Variants in PDE1A observed in about 807,000 individuals in gnomAD.
PDE1A encodes dual specificity calcium/calmodulin-dependent 3',5'-cyclic nucleotide phosphodiesterase 1A.
In PDE1A, 35 loss-of-function variants were observed where a neutral mutation model predicts 61.7. The observed-to-expected ratio is 0.57, with a 90% CI of 0.43 to 0.75. The LOEUF is 0.75. PDE1A is among the 30% of genes least tolerant of loss of function. The probability of loss-of-function intolerance (pLI) is 0.00; values close to 1 mark genes in which losing one functional copy is unlikely to be tolerated. For missense variants in PDE1A, 597 were observed against 630.6 expected (o/e 0.95, Z 0.57); for synonymous variants, 232 against 213.2 (o/e 1.09, Z -0.77).
rs190318323 is a variant in PDE1A, at chr2:182,198,867, G to A, written c.1125+2572C>T. ...TCCTCTATGTCATAAAAGAATTTGT[G>A]TAAAACTGGCATTATTTCTTCCTGA... On this transcript the variant is annotated intron_variant, in intron 10 of 13. Coordinates refer to ENST00000351439, the Ensembl canonical transcript of PDE1A. 2.7e-3 allele frequency among the ~76,000 whole-genome samples: 407 copies of A among 151,936 alleles called. 1 individual carries two copies. The highest frequency in any genetic ancestry group is 9.6e-3 in the African/African-American group (397 of 41,534).
the PDE1A span, among the ~76,000 whole-genome samples, chr2:182,549,072 G>A: frequency 1.3e-4 from 20 of 152,172 alleles, no homozygotes; most frequent in East Asian, 3.3e-3. Context: ...AAGTTCTCAA[G>A]TATAATTCAC....
chr2:182,697,482 C>T, the PDE1A span, among the ~76,000 whole-genome samples: 2 of 152,204 alleles, frequency 1.3e-5, no homozygotes, highest in African/African-American at 4.8e-5. Flanking sequence ...CTGTCCCAGT[C>T]CTTCCCCAGG....
the PDE1A span, among the ~76,000 whole-genome samples, chr2:182,596,168 T>C: frequency 6.6e-6 from 1 of 152,200 alleles, no homozygotes; most frequent in Non-Finnish European, 1.5e-5. Context: ...CAAAGTCTAA[T>C]CAAGTAAGGT....
At chr2:182,167,091 G>T (rs145109973), downstream of PDE1A, among the ~76,000 whole-genome samples, 13 of 152,232 alleles carry the variant, frequency 8.5e-5, 1 homozygote, top group East Asian at 2.5e-3. Context: ...TATTAACTAA[G>T]ATGAACCCTA....
the PDE1A span, among the ~76,000 whole-genome samples, chr2:182,644,263 CTGTGTGTGTG>C: frequency 1.5e-4 from 18 of 123,132 alleles, no homozygotes; most frequent in African/African-American, 3.7e-4. Flanking sequence ...TCTTAAGACT[CTGTGTGTGTG>C]TGTGTGTGTG....
chr2:182,421,239 T>C (rs534193889), intron 1 of PDE1A, among the ~76,000 whole-genome samples: 16 of 152,262 alleles, frequency 1.1e-4, no homozygotes, highest in African/African-American at 3.9e-4. Flanking sequence ...TCATTCCAAA[T>C]CTTTGAAAAG....
chr2:182,282,618 G>A (rs1011395931), intron 1 of PDE1A, among the ~76,000 whole-genome samples: 5 of 151,826 alleles, frequency 3.3e-5, no homozygotes, highest in African/African-American at 1.2e-4. Context: ...TCCTAATATT[G>A]GAGATTTGTG....
chr2:182,289,121 C>G (rs953152594), intron 1 of PDE1A, among the ~76,000 whole-genome samples: 3 of 151,956 alleles, frequency 2.0e-5, no homozygotes, highest in African/African-American at 7.2e-5. Context: ...GTTAGAATCC[C>G]CACCCACTCC....
At chr2:182,279,853 A>T (rs150182182) in intron 1 of PDE1A, among the ~76,000 whole-genome samples, 1 of 151,494 alleles carries the variant, frequency 6.6e-6, no homozygotes, top group Non-Finnish European at 1.5e-5. Context: ...AAATACTTTG[A>T]TTGTTTTTTT....
intron 2 of PDE1A, among the ~76,000 whole-genome samples, chr2:182,460,953 T>A (rs538623608): frequency 6.6e-6 from 1 of 152,194 alleles, no homozygotes; most frequent in South Asian, 2.1e-4. Context: ...AAACAAAAGG[T>A]GGAGGGCTAA....
At chr2:182,477,245 A>G (rs1488731648) in intron 2 of PDE1A, among the ~76,000 whole-genome samples, 3 of 151,966 alleles carry the variant, frequency 2.0e-5, no homozygotes, top group Non-Finnish European at 4.4e-5. Context: ...TATCTGACTC[A>G]TGTTGAGGGT....
the PDE1A span, among the ~76,000 whole-genome samples, chr2:182,557,603 T>C: frequency 1.3e-5 from 2 of 151,928 alleles, no homozygotes; most frequent in African/African-American, 4.8e-5. Context: ...TCCCAGCTAC[T>C]TGGGAGGCTG....
chr2:182,318,402 C>T (rs1450587291), intron 1 of PDE1A, among the ~76,000 whole-genome samples: 2 of 152,164 alleles, frequency 1.3e-5, no homozygotes, highest in Admixed American at 1.3e-4. Flanking sequence ...CAGTCCTAAT[C>T]TTCATATCGA....
chr2:182,435,200 AC>A (rs1420614822), intron 2 of PDE1A, among the ~76,000 whole-genome samples: 2 of 152,098 alleles, frequency 1.3e-5, no homozygotes, highest in Non-Finnish European at 2.9e-5. Context: ...TCATAGCCAA[AC>A]ATCCGTTGCT....
chr2:182,149,077 T>C (rs550443780), intron 13 of PDE1A, among the ~76,000 whole-genome samples: 4 of 152,292 alleles, frequency 2.6e-5, no homozygotes, highest in African/African-American at 7.2e-5. Flanking sequence ...TAAATTCTGA[T>C]TTAATATTCT....
intron 1 of PDE1A, among the ~76,000 whole-genome samples, chr2:182,353,861 T>C (rs1699026625): frequency 1.3e-5 from 2 of 152,102 alleles, no homozygotes; most frequent in Admixed American, 1.3e-4. Flanking sequence ...CTAATTTTAA[T>C]AAATCTAATT....
intron 2 of PDE1A, among the ~76,000 whole-genome samples, chr2:182,257,444 T>C (rs942945614): frequency 6.6e-6 from 1 of 152,196 alleles, no homozygotes; most frequent in African/African-American, 2.4e-5. Flanking sequence ...ATACTTTGAA[T>C]AGGTCTTTTA....
intron 2 of PDE1A, among the ~76,000 whole-genome samples, chr2:182,437,498 T>C (rs1280781242): frequency 6.6e-6 from 1 of 151,946 alleles, no homozygotes; most frequent in Admixed American, 6.6e-5. Context: ...CTAGCCCCTA[T>C]ATCCAATAAA....
intron 2 of PDE1A, among the ~76,000 whole-genome samples, chr2:182,478,700 T>G (rs1559499383): frequency 6.6e-6 from 1 of 151,924 alleles, no homozygotes. Flanking sequence ...TCCAAAATTT[T>G]GTGCAATTTC....
Sources: gnomAD v4.1 joint callset for allele counts (sites outside exome capture counted in the v4.1 genomes callset) on GRCh38, gnomAD v4.1.1 for gene constraint, MANE v1.5 for transcripts, NCBI Gene and HGNC (gene_info 2026-07-23, HGNC 2026-07-21) for gene names.